The following MAST2 variants were observed in gnomAD, a reference collection of about 807,000 sequenced individuals.
MAST2 encodes the protein microtubule-associated serine/threonine-protein kinase 2.
In MAST2, 70 loss-of-function variants were observed where a neutral mutation model predicts 147.4. The ratio of observed to expected loss-of-function variants is 0.47; its 90% confidence interval spans 0.39 to 0.58. MAST2 has a LOEUF of 0.58. Ranked by LOEUF, MAST2 falls within the 20% of genes least tolerant of loss-of-function variation. MAST2 has a pLI of 0.00. For missense variants in MAST2, 2,080 were observed against 2,302.3 expected, an observed-to-expected ratio of 0.90 and a Z score of 1.98; for synonymous variants, 869 against 896.8, an observed-to-expected ratio of 0.97 and a Z score of 0.55.
chr1:45,964,679 A>G (rs1209749436), intron 5 of MAST2, among the ~76,000 whole-genome samples: 3 of 152,208 alleles, frequency 2.0e-5, no homozygotes, highest in African/African-American at 7.2e-5. Flanking sequence ...TCCTGGATTC[A>G]CTGATTTTTT....
chr1:46,004,213 A>C (rs771231775), intron 7 of MAST2, among the ~76,000 whole-genome samples: 1 of 151,770 alleles, frequency 6.6e-6, no homozygotes, highest in African/African-American at 2.4e-5. Flanking sequence ...AAATACAAAA[A>C]ATTAGCTGGG....
chr1:45,835,735 C>G (rs1273974024), intron 3 of MAST2, among the ~76,000 whole-genome samples: 4 of 152,094 alleles, frequency 2.6e-5, no homozygotes, highest in Non-Finnish European at 5.9e-5. Context: ...CAAAAAAAAT[C>G]CTCTACCCAT....
intron 2 of MAST2, among the ~76,000 whole-genome samples, chr1:45,827,774 G>A (rs762806611): frequency 6.6e-6 from 1 of 152,108 alleles, no homozygotes; most frequent in Non-Finnish European, 1.5e-5. Flanking sequence ...AAACATGCTA[G>A]TTATAAAAAA....
At chr1:45,816,656 C>A (rs1428594608) in intron 1 of MAST2, among the ~76,000 whole-genome samples, 1 of 152,046 alleles carries the variant, frequency 6.6e-6, no homozygotes, top group Non-Finnish European at 1.5e-5. Flanking sequence ...AATAGCAGAA[C>A]TGATTAAGCA....
chr1:45,826,185 C>A (rs773512417), intron 2 of MAST2, among the ~76,000 whole-genome samples: 3 of 152,154 alleles, frequency 2.0e-5, no homozygotes, highest in Non-Finnish European at 4.4e-5. Context: ...TCCCTTTTAT[C>A]CTGTGAGGTA....
intron 4 of MAST2, among the ~76,000 whole-genome samples, chr1:45,919,466 C>A (rs149354194): frequency 8.5e-5 from 13 of 152,160 alleles, no homozygotes; most frequent in Non-Finnish European, 1.9e-4. Flanking sequence ...AGAATAGTAA[C>A]CTGAAAAACT....
At chr1:46,029,798 C>T in intron 19 of MAST2, 33 bp from the exon 20 acceptor site, 1 of 1,611,842 alleles carries the variant, frequency 6.2e-7, no homozygotes, top group South Asian at 1.1e-5. Context: ...GCTGCTCATC[C>T]TACCCCCTTG....
rs1427715942 is a variant in MAST2, at chr1:46,025,233, C to T, written c.1781-444C>T. 5.9e-5 allele frequency among the ~76,000 whole-genome samples: 9 copies of T among 152,118 alleles called. No homozygotes were observed. In the East Asian group the frequency reaches 9.6e-4, roughly 16 times the overall value. ...ACTCGGGAGGCTGAGGCAGGAGAATCGCTTGAACCTGGGAGGCAGAGGTTG... is the reference window on the plus strand; with the variant it reads ...ACTCGGGAGGCTGAGGCAGGAGAATTGCTTGAACCTGGGAGGCAGAGGTTG... On this transcript the variant is annotated intron_variant, in intron 15 of 28. Transcript: ENST00000361297.
At chr1:45,866,632 C>T (rs905958722) in intron 3 of MAST2, among the ~76,000 whole-genome samples, 4 of 152,124 alleles carry the variant, frequency 2.6e-5, no homozygotes, top group Admixed American at 6.6e-5. Context: ...CCCTTCCTCT[C>T]GAGTCTTTGT....
intron 4 of MAST2, among the ~76,000 whole-genome samples, chr1:45,955,577 G>A (rs898815864): frequency 1.3e-5 from 2 of 152,036 alleles, no homozygotes; most frequent in Non-Finnish European, 2.9e-5. Flanking sequence ...TAGAATGATC[G>A]GGGAAAATTC....
chr1:45,892,629 T>C (rs1648018675), intron 4 of MAST2, among the ~76,000 whole-genome samples: 1 of 152,166 alleles, frequency 6.6e-6, no homozygotes, highest in African/African-American at 2.4e-5. Context: ...GTCAGTAGTT[T>C]TAAAATACCT....
At chr1:45,827,998 AT>A (rs982272538) in intron 2 of MAST2, among the ~76,000 whole-genome samples, 66 of 145,880 alleles carry the variant, frequency 4.5e-4, no homozygotes, top group East Asian at 7.9e-4. Flanking sequence ...TGCCTGGCTA[AT>A]TTTTTTTTTT....
intron 1 of MAST2, among the ~76,000 whole-genome samples, chr1:45,818,806 C>G (rs569993744): frequency 6.6e-6 from 1 of 152,296 alleles, no homozygotes; most frequent in East Asian, 1.9e-4. Context: ...CTTTACGACC[C>G]ATTTTGAACT....
At chr1:45,831,030 G>GAA (rs11302327) in intron 3 of MAST2, among the ~76,000 whole-genome samples, 4 of 116,306 alleles carry the variant, frequency 3.4e-5, no homozygotes, top group Non-Finnish European at 5.5e-5. Flanking sequence ...ACCTTGTCTG[G>GAA]AAAAAAAAAA....
chr1:45,907,927 A>G (rs1180403819), intron 4 of MAST2, among the ~76,000 whole-genome samples: 1 of 152,210 alleles, frequency 6.6e-6, no homozygotes, highest in Non-Finnish European at 1.5e-5. Context: ...AATAAGTTAT[A>G]GAATGTATTG....
chr1:46,011,654 G>C (rs4660909), intron 10 of MAST2, among the ~76,000 whole-genome samples: 121,195 of 152,082 alleles, frequency 0.8, 48,765 homozygotes, highest in East Asian at 0.98. Context: ...GCCTGTCCCC[G>C]CAGAGCTCAT....
chr1:45,845,675 C>G (rs1014842608), intron 3 of MAST2, among the ~76,000 whole-genome samples: 1 of 152,176 alleles, frequency 6.6e-6, no homozygotes, highest in Non-Finnish European at 1.5e-5. Flanking sequence ...ATCTTTAGTT[C>G]TCTCTCCACA....
At chr1:45,915,646 CT>C (rs1267576929) in intron 4 of MAST2, among the ~76,000 whole-genome samples, 3 of 148,332 alleles carry the variant, frequency 2.0e-5, no homozygotes, top group Non-Finnish European at 4.4e-5. Context: ...GGAGGCGGAA[CT>C]TGCAGTGAGC....
chr1:45,815,056 C>T (rs1180620478), intron 1 of MAST2, among the ~76,000 whole-genome samples: 2 of 152,116 alleles, frequency 1.3e-5, no homozygotes, highest in Non-Finnish European at 2.9e-5. Flanking sequence ...GTGTAGGTTC[C>T]TTAAGAGTGA....
Sources: gnomAD v4.1 joint callset for allele counts (sites outside exome capture counted in the v4.1 genomes callset) on GRCh38, gnomAD v4.1.1 for gene constraint, MANE v1.5 for transcripts, NCBI Gene and HGNC (gene_info 2026-07-23, HGNC 2026-07-21) for gene names.